Variants in FRMPD4 observed in about 807,000 individuals in gnomAD.
The protein encoded by FRMPD4 is FERM and PDZ domain containing 4.
A neutral mutation model predicts 94.1 loss-of-function variants in FRMPD4; 22 were observed. The ratio of observed to expected loss-of-function variants is 0.23; its 90% CI spans 0.17 to 0.33. The LOEUF (loss-of-function observed/expected upper bound fraction) is 0.33, where lower values mean the gene tolerates loss of function less well. Among genes scored for constraint, FRMPD4 ranks in the 10% least tolerant of loss-of-function variants. The pLI is 1.00. For missense variants in FRMPD4, 1,111 were observed against 1,339.9 expected (o/e 0.83, Z 2.67); for synonymous variants, 631 against 548.6 (o/e 1.15, Z -2.10).
chrX:12,086,433 A>G (rs1427514978), intron 3 of FRMPD4, among the ~76,000 whole-genome samples: 1 of 112,231 alleles, frequency 8.9e-6, no homozygotes. Flanking sequence ...GAGGCTTTCT[A>G]TTTAAAAGTT....
intron 1 of FRMPD4, among the ~76,000 whole-genome samples, chrX:12,437,780 A>G (rs1167728921): frequency 8.9e-6 from 1 of 112,232 alleles, no homozygotes; most frequent in African/African-American, 3.2e-5. Context: ...TTTTGCTATG[A>G]AGTAGCTGAG....
At chrX:12,346,535 C>T (rs967438978) in intron 1 of FRMPD4, among the ~76,000 whole-genome samples, 80 of 111,424 alleles carry the variant, frequency 7.2e-4, no homozygotes, top group Admixed American at 3.2e-3. Flanking sequence ...TCCAGAGAAC[C>T]GCTGCGTAGA....
chrX:12,029,731 T>G (rs1356107737), intron 3 of FRMPD4, among the ~76,000 whole-genome samples: 4 of 112,004 alleles, frequency 3.6e-5, no homozygotes, highest in Non-Finnish European at 7.5e-5. Flanking sequence ...TCATGCTCAC[T>G]CAGCCAATAT....
chrX:12,397,438 T>G (rs1196714161), intron 1 of FRMPD4, among the ~76,000 whole-genome samples: 1 of 111,961 alleles, frequency 8.9e-6, no homozygotes, highest in African/African-American at 3.2e-5. Flanking sequence ...ATGAGCATGC[T>G]AAATTGATTT....
intron 1 of FRMPD4, among the ~76,000 whole-genome samples, chrX:12,434,692 G>T (rs1247005066): frequency 1.8e-5 from 2 of 112,182 alleles, no homozygotes; most frequent in Non-Finnish European, 3.8e-5. Flanking sequence ...GGACTTAGCT[G>T]GTTTAGACCA....
chrX:12,426,427 A>G (rs1207121547), intron 1 of FRMPD4, among the ~76,000 whole-genome samples: 1 of 111,353 alleles, frequency 9.0e-6, no homozygotes, highest in Non-Finnish European at 1.9e-5. Flanking sequence ...TCGCAGTTGG[A>G]AACTGATTAT....
At chrX:12,388,850 T>TATATATATATATATGC (rs1491368741) in intron 1 of FRMPD4, among the ~76,000 whole-genome samples, 1 of 73,479 alleles carries the variant, frequency 1.4e-5, no homozygotes, top group African/African-American at 6.4e-5. Flanking sequence ...TATATATATA[T>TATATATATATATATGC]ACACACAATG....
At chrX:11,891,042 G>T (rs1202879626) in intron 3 of FRMPD4, among the ~76,000 whole-genome samples, 2 of 112,781 alleles carry the variant, frequency 1.8e-5, no homozygotes, top group Non-Finnish European at 3.8e-5. Context: ...CTCTTGGGGT[G>T]TCTCCAAGGG....
chrX:12,168,178 T>C (rs951715467), intron 1 of FRMPD4, among the ~76,000 whole-genome samples: 1 of 111,370 alleles, frequency 9.0e-6, no homozygotes, highest in African/African-American at 3.3e-5. Flanking sequence ...GCAGAGCCCA[T>C]AGATGAAAGG....
chrX:11,970,879 C>T (rs766354968), intron 3 of FRMPD4, among the ~76,000 whole-genome samples: 8 of 111,849 alleles, frequency 7.2e-5, no homozygotes, highest in Non-Finnish European at 1.1e-4. Flanking sequence ...ATAATTACCC[C>T]GTGGCTCAAT....
intron 1 of FRMPD4, among the ~76,000 whole-genome samples, chrX:12,479,107 C>T (rs951467419): frequency 2.7e-5 from 3 of 110,825 alleles, no homozygotes; most frequent in African/African-American, 9.8e-5. Flanking sequence ...GCATATGAAA[C>T]AGAGAGTAAA....
chrX:12,324,792 T>C lies in FRMPD4; in HGVS notation c.42-173888T>C, dbSNP rs145621425. On this transcript the variant is annotated intron_variant, in intron 1 of 16. Transcript: ENST00000675598. ...ATATTTAGGAAGTAATTACTATTAC[T>C]AATATATTTTCTAATTAGGTAAGAT... Among the ~76,000 whole-genome samples, 337 of 108,314 alleles carry C rather than the reference T, an allele frequency of 3.1e-3. 3 individuals are homozygous for C. The highest frequency in any genetic ancestry group is 0.025 in the East Asian group (90 of 3,585). 94.1% of individuals were successfully genotyped at this position (108,314 alleles called of 115,157 possible).
chrX:11,885,040 AG>A (rs1428184157), intron 3 of FRMPD4, among the ~76,000 whole-genome samples: 1 of 112,102 alleles, frequency 8.9e-6, no homozygotes, highest in Non-Finnish European at 1.9e-5. Context: ...ATTATCCAAA[AG>A]AATTGAAAGC....
At chrX:12,254,861 T>A (rs754180875) in intron 1 of FRMPD4, among the ~76,000 whole-genome samples, 1 of 110,956 alleles carries the variant, frequency 9.0e-6, no homozygotes, top group South Asian at 3.9e-4. Flanking sequence ...TTTTTTTGGA[T>A]CACTCCTGGA....
chrX:12,281,234 C>T (rs1400562401), intron 1 of FRMPD4, among the ~76,000 whole-genome samples: 3 of 111,647 alleles, frequency 2.7e-5, no homozygotes, highest in Admixed American at 9.5e-5. Context: ...GGTGAAATAC[C>T]ACCTTCTTTC....
intron 1 of FRMPD4, among the ~76,000 whole-genome samples, chrX:12,326,105 C>T (rs1378300305): frequency 8.9e-6 from 1 of 112,329 alleles, no homozygotes; most frequent in Non-Finnish European, 1.9e-5. Context: ...GGCACTTCTA[C>T]ATGAGGGAAT....
intron 9 of FRMPD4, among the ~76,000 whole-genome samples, chrX:12,695,469 A>T (rs1400074712): frequency 9.0e-6 from 1 of 111,202 alleles, no homozygotes; most frequent in Admixed American, 9.5e-5. Flanking sequence ...CAATGGCATG[A>T]CCTTGGCTCA....
chrX:12,370,212 T>A (rs1211525591), intron 1 of FRMPD4, among the ~76,000 whole-genome samples: 1 of 112,152 alleles, frequency 8.9e-6, no homozygotes, highest in South Asian at 3.7e-4. Flanking sequence ...GGCTCACACC[T>A]GTAACCCCAG....
intron 3 of FRMPD4, among the ~76,000 whole-genome samples, chrX:11,964,051 A>G (rs1326555312): frequency 8.9e-6 from 1 of 111,806 alleles, no homozygotes; most frequent in Non-Finnish European, 1.9e-5. Context: ...CTGCCTACAC[A>G]TAGAGGTGGG....
Sources: allele counts gnomAD v4.1 joint callset (sites outside exome capture counted in the v4.1 genomes callset), GRCh38; gene constraint gnomAD v4.1.1; transcripts MANE v1.5; gene names NCBI Gene and HGNC (gene_info 2026-07-23, HGNC 2026-07-21).